Variants in DLEC1 observed in about 807,000 individuals in gnomAD.
DLEC1 encodes the protein DLEC1 cilia and flagella associated protein, also known as deleted in lung and esophageal cancer protein 1.
A neutral mutation model predicts 198.1 loss-of-function variants in DLEC1; 146 were observed. The observed-to-expected ratio is 0.74, with a 90% CI of 0.64 to 0.85. The LOEUF (loss-of-function observed/expected upper bound fraction) is 0.85, where lower values mean the gene tolerates loss of function less well. Among genes scored for constraint, DLEC1 ranks in the 40% least tolerant of loss-of-function variants. DLEC1 has a pLI of 0.00. For synonymous variants in DLEC1, 897 were observed against 866.8 expected, an observed-to-expected ratio of 1.03 and a Z score of -0.61; for missense variants, 2,233 against 2,220.0, an observed-to-expected ratio of 1.01 and a Z score of -0.12.
chr3:38,056,496 G>A (rs1432315006), intron 2 of DLEC1, among the ~76,000 whole-genome samples: 2 of 152,232 alleles, frequency 1.3e-5, no homozygotes, highest in Non-Finnish European at 2.9e-5. Context: ...TTTTAATAGA[G>A]ATGGGGTTTT....
At chr3:38,095,112 C>A in intron 13 of DLEC1, 41 bp downstream of exon 13, 2 of 1,604,960 alleles carry the variant, frequency 1.2e-6, no homozygotes, top group South Asian at 2.2e-5. Flanking sequence ...ATGGTTGGAT[C>A]ATGTATTTAG....
intron 6 of DLEC1, 90 bp downstream of exon 6, chr3:38,064,009 T>TTC (rs1337936194): frequency 2.7e-5 from 18 of 660,322 alleles, no homozygotes; most frequent in Non-Finnish European, 4.0e-5. Flanking sequence ...TTTTTTTTCT[T>TTC]TTTTTTTTTT....
intron 6 of DLEC1, among the ~76,000 whole-genome samples, chr3:38,079,362 C>T (rs1697828403): frequency 6.6e-6 from 1 of 152,044 alleles, no homozygotes; most frequent in Admixed American, 6.6e-5. Context: ...GCTGTCAATA[C>T]CCACAACAGT....
chr3:38,117,693 T>C, intron 32 of DLEC1, 82 bp downstream of exon 32: 1 of 1,605,500 alleles, frequency 6.2e-7, no homozygotes, highest in Non-Finnish European at 8.5e-7. Context: ...ACTCAGGCCT[T>C]ATAGTCTGAG....
chr3:38,122,926 C>T lies in DLEC1; in HGVS notation c.*514C>T, dbSNP rs559871798. 38 of 1,029,644 alleles carry T rather than the reference C, an allele frequency of 3.7e-5. No homozygotes were observed. In the South Asian group the frequency reaches 5.3e-4, roughly 14 times the overall value. The allele number at this position is 1,029,644 out of a possible 1,614,324, so 63.8% of individuals were successfully genotyped here. On this transcript the variant is annotated 3_prime_UTR_variant, in exon 37 of 37. Transcript: ENST00000308059. ...TCCAAATGAGTTGAAGTGCCTTGATCTGTCCACTGCCACCACCACCAGTGC... is the reference window on the plus strand; with the variant it reads ...TCCAAATGAGTTGAAGTGCCTTGATTTGTCCACTGCCACCACCACCAGTGC...
chr3:38,104,128 T>A (rs1484516667), intron 19 of DLEC1, among the ~76,000 whole-genome samples: 3 of 152,198 alleles, frequency 2.0e-5, no homozygotes, highest in Non-Finnish European at 4.4e-5. Flanking sequence ...ACATGAGGTA[T>A]GTTTGTAACT....
intron 6 of DLEC1, among the ~76,000 whole-genome samples, chr3:38,082,167 G>A (rs1698073103): frequency 1.4e-5 from 2 of 146,008 alleles, no homozygotes; most frequent in South Asian, 2.2e-4. Context: ...GGGGCGGCGG[G>A]GCAGAGGCGC....
At chr3:38,121,830 CAAGAG>C (rs1387665617) in intron 35 of DLEC1, 49 bp downstream of exon 35, 1 of 1,593,048 alleles carries the variant, frequency 6.3e-7, no homozygotes, top group African/African-American at 1.3e-5. Context: ...AGGGCTGTGC[CAAGAG>C]AAGACCCCCC....
chr3:38,065,075 G>A (rs920694604), intron 6 of DLEC1, among the ~76,000 whole-genome samples: 7 of 152,238 alleles, frequency 4.6e-5, no homozygotes, highest in African/African-American at 7.2e-5. Flanking sequence ...GCGAGACTCC[G>A]TCTGCAATCC....
chr3:38,085,741 G>T (rs1306717838), intron 8 of DLEC1, among the ~76,000 whole-genome samples: 1 of 152,150 alleles, frequency 6.6e-6, no homozygotes, highest in Non-Finnish European at 1.5e-5. Context: ...ACATCCCTGA[G>T]GGGACCTGTG....
intron 33 of DLEC1, among the ~76,000 whole-genome samples, chr3:38,118,430 T>C (rs894797127): frequency 6.6e-6 from 1 of 152,178 alleles, no homozygotes; most frequent in African/African-American, 2.4e-5. Flanking sequence ...GGTGAGCCCA[T>C]GGGGTTGCCA....
intron 5 of DLEC1, among the ~76,000 whole-genome samples, 194 bp downstream of exon 5, chr3:38,062,995 T>C (rs954191129): frequency 2.0e-5 from 3 of 152,144 alleles, no homozygotes; most frequent in Non-Finnish European, 4.4e-5. Flanking sequence ...GTTTATGCTT[T>C]TCTGACCTGC....
chr3:38,122,060 C>T lies in DLEC1; in HGVS notation c.5021-11C>T, dbSNP rs1700500811. On this transcript the variant is annotated splice_polypyrimidine_tract_variant and intron_variant, in intron 35 of 36. Coordinates refer to ENST00000308059, the MANE Select transcript of DLEC1 (RefSeq NM_007335.4). ...CCTGCACTCATGTGTCTTCCCTTCCCTTTGGTGCAGGCCAGCAGGAGCCAG... is the reference window on the plus strand; with the variant it reads ...CCTGCACTCATGTGTCTTCCCTTCCTTTTGGTGCAGGCCAGCAGGAGCCAG... 1.2e-6 allele frequency: 2 copies of T among 1,613,350 alleles called. No homozygotes were observed. Among genetic ancestry groups the T allele is most frequent in the Admixed American group, 3.3e-5 (2 of 59,940 alleles).
chr3:38,084,193 C>T lies in DLEC1; in HGVS notation c.1209C>T (p.Ser403=), dbSNP rs1012625755. Residue 403 remains serine, a synonymous_variant, in exon 7 of 37, where the codon AGC becomes AGT. Coordinates refer to ENST00000308059, the MANE Select transcript of DLEC1 (RefSeq NM_007335.4). ...VIALQNTTTT[S]RYLRVLPPST... The stretch of plus-strand genomic sequence containing the variant: ...CGCTGCAGAACACCACCACGACCAG[C>T]CGCTACCTGCGAGTCCTCCCGCCTT... 3 of 1,612,960 alleles carry T rather than the reference C, an allele frequency of 1.9e-6. No individual in the cohort carries two copies. The highest frequency in any genetic ancestry group is 2.7e-5 in the African/African-American group (2 of 74,726).
At chr3:38,092,740 G>A in intron 10 of DLEC1, 50 bp from the exon 11 acceptor site, 8 of 1,541,078 alleles carry the variant, frequency 5.2e-6, no homozygotes, top group Non-Finnish European at 7.2e-6. Context: ...AGGCGGGGAG[G>A]GTGGAAGCCC....
At position 38,108,468 on chromosome 3, in the gene DLEC1, C is replaced by T. The variant is rs1166245740; in HGVS notation, c.3082C>T (p.Pro1028Ser). Residue 1028 changes from proline to serine, a missense_variant, in exon 21 of 37, where the codon CCA becomes TCA. Physicochemically the swap from Pro to Ser is moderately conservative, Grantham distance 74. Transcript: ENST00000308059. ...TVSPKHGLLGPSEECQLKLEL... is the reference protein window; with the variant it reads ...TVSPKHGLLGSSEECQLKLEL... ...CTCCCCCAAACATGGCCTGCTGGGC[C>T]CAAGTGAGGAGTGCCAGCTCAAGTT... 1 of 1,614,172 alleles carries T rather than the reference C, an allele frequency of 6.2e-7. No homozygotes were observed. Among genetic ancestry groups the T allele is most frequent in the Admixed American group, 1.7e-5 (1 of 60,026 alleles).
At chr3:38,120,292 G>A (rs1203887316) in intron 33 of DLEC1, among the ~76,000 whole-genome samples, 156 bp from the exon 34 acceptor site, 2 of 152,234 alleles carry the variant, frequency 1.3e-5, no homozygotes, top group Non-Finnish European at 2.9e-5. Flanking sequence ...TAGGTGCTGG[G>A]CAGCGCTTGT....
At chr3:38,098,034 C>T (rs1170675506) in intron 18 of DLEC1, 132 bp downstream of exon 18, 8 of 1,177,486 alleles carry the variant, frequency 6.8e-6, no homozygotes, top group African/African-American at 4.6e-5. Flanking sequence ...CTGGTGACTT[C>T]GGCCTGGCGG....
intron 1 of DLEC1, among the ~76,000 whole-genome samples, chr3:38,041,003 C>CTTAT (rs112358223): frequency 0.055 from 8,340 of 150,924 alleles, 284 homozygotes; most frequent in Middle Eastern, 0.11. Flanking sequence ...GTATGCCCAG[C>CTTAT]TTATTTATTT....
Sources: allele counts gnomAD v4.1 joint callset (sites outside exome capture counted in the v4.1 genomes callset), GRCh38; gene constraint gnomAD v4.1.1; transcripts MANE v1.5; gene names NCBI Gene and HGNC (gene_info 2026-07-23, HGNC 2026-07-21).